Variants in PTPRD observed in about 807,000 individuals in gnomAD.
The protein encoded by PTPRD is protein tyrosine phosphatase receptor type D, also known as receptor-type tyrosine-protein phosphatase delta.
In PTPRD, 34 loss-of-function variants were observed where a neutral mutation model predicts 214.5. That is an observed-to-expected ratio of 0.16 (90% CI 0.12 to 0.21). PTPRD has a LOEUF of 0.21. PTPRD is among the 10% of genes least tolerant of loss of function. The pLI, the probability that PTPRD is intolerant of heterozygous loss-of-function variation, is 1.00. For synonymous variants in PTPRD, 1,128 were observed against 845.7 expected (o/e 1.33, Z -5.79); for missense variants, 2,545 against 2,398.7 (o/e 1.06, Z -1.27).
At chr9:8,493,386 T>A (rs1293485086) in intron 26 of PTPRD, among the ~76,000 whole-genome samples, 1 of 152,208 alleles carries the variant, frequency 6.6e-6, no homozygotes, top group Non-Finnish European at 1.5e-5. Flanking sequence ...CACAGAACTA[T>A]GCCTGGCTTA....
intron 9 of PTPRD, among the ~76,000 whole-genome samples, chr9:9,348,014 T>G (rs2137895134): frequency 6.6e-6 from 1 of 152,282 alleles, no homozygotes; most frequent in African/African-American, 2.4e-5. Flanking sequence ...TTTAGACTTC[T>G]GTTTTAGTAT....
At chr9:10,032,855 T>C (rs2154133396) in intron 4 of PTPRD, among the ~76,000 whole-genome samples, 1 of 152,150 alleles carries the variant, frequency 6.6e-6, no homozygotes, top group South Asian at 2.1e-4. Context: ...TTTTTTACTA[T>C]TATTTATCTA....
At chr9:10,421,978 T>A (rs2098550002) in intron 2 of PTPRD, among the ~76,000 whole-genome samples, 1 of 151,866 alleles carries the variant, frequency 6.6e-6, no homozygotes, top group South Asian at 2.1e-4. Flanking sequence ...AAAAATTCAT[T>A]CATTATAGAA....
At position 8,437,253 on chromosome 9, in the gene PTPRD, G is replaced by A. The variant is rs769422034; in HGVS notation, c.3989-564C>T. On this transcript the variant is annotated intron_variant, in intron 34 of 45. Transcript: ENST00000381196. ...AATCATCTGAACCTGCAAAGGAAAT[G>A]ATGGTGTAAATAAAATAAAATAGAA... is the stretch of plus-strand genomic sequence containing the variant. 5 of 1,510,966 alleles carry A rather than the reference G, an allele frequency of 3.3e-6. 1 individual carries two copies. In the South Asian group the frequency reaches 5.0e-5, roughly 15 times the overall value. The allele number at this position is 1,510,966 out of a possible 1,614,324, so 93.6% of individuals were successfully genotyped here.
intron 8 of PTPRD, among the ~76,000 whole-genome samples, chr9:9,444,651 C>T (rs998726754): frequency 3.3e-5 from 5 of 152,060 alleles, no homozygotes; most frequent in African/African-American, 9.7e-5. Context: ...CTTTCTGACC[C>T]CAAGTTAGAC....
chr9:9,058,117 AG>A (rs2099699671), intron 10 of PTPRD, among the ~76,000 whole-genome samples: 1 of 152,200 alleles, frequency 6.6e-6, no homozygotes, highest in South Asian at 2.1e-4. Context: ...TGGAAAGAGA[AG>A]TCTTCCAAAT....
At chr9:10,481,729 T>G (rs187916531) in intron 2 of PTPRD, among the ~76,000 whole-genome samples, 6 of 152,308 alleles carry the variant, frequency 3.9e-5, no homozygotes, top group Admixed American at 1.3e-4. Context: ...GAAAACATTT[T>G]TTAATTATAT....
intron 11 of PTPRD, among the ~76,000 whole-genome samples, chr9:8,773,086 C>T (rs1333232516): frequency 5.3e-5 from 8 of 152,266 alleles, no homozygotes; most frequent in African/African-American, 1.4e-4. Flanking sequence ...TGGAGCTTTC[C>T]TCTCTGGTGG....
chr9:8,339,416 C>T (rs567738704), intron 42 of PTPRD, among the ~76,000 whole-genome samples: 3 of 152,040 alleles, frequency 2.0e-5, no homozygotes, highest in Non-Finnish European at 2.9e-5. Flanking sequence ...ACACATTGCA[C>T]CACCACAGCA....
intron 2 of PTPRD, among the ~76,000 whole-genome samples, chr9:10,388,795 T>C (rs1225537141): frequency 6.6e-6 from 1 of 151,752 alleles, no homozygotes; most frequent in East Asian, 1.9e-4. Flanking sequence ...ACCTATTCTT[T>C]AGGAAGTGTG....
intron 3 of PTPRD, among the ~76,000 whole-genome samples, chr9:10,063,407 G>T (rs1470074009): frequency 6.6e-6 from 1 of 151,944 alleles, no homozygotes. Flanking sequence ...TGATAAAAAA[G>T]AGTAATAACA....
At chr9:9,072,280 T>C (rs1322121501) in intron 10 of PTPRD, among the ~76,000 whole-genome samples, 2 of 135,638 alleles carry the variant, frequency 1.5e-5, no homozygotes, top group Non-Finnish European at 3.2e-5. Context: ...GCTGGCAACT[T>C]ACACACACAC....
intron 2 of PTPRD, among the ~76,000 whole-genome samples, chr9:10,465,101 C>T (rs927202923): frequency 3.3e-5 from 5 of 151,962 alleles, no homozygotes; most frequent in Non-Finnish European, 7.4e-5. Context: ...ACACTGAGTG[C>T]CTTGGAAGGT....
chr9:9,019,463 G>A (rs1470727057), intron 10 of PTPRD, among the ~76,000 whole-genome samples: 4 of 152,128 alleles, frequency 2.6e-5, no homozygotes, highest in Admixed American at 2.6e-4. Flanking sequence ...CCAGGACTTG[G>A]GGAGGCCAAG....
intron 2 of PTPRD, among the ~76,000 whole-genome samples, chr9:10,607,016 A>T (rs1368161196): frequency 6.6e-6 from 1 of 151,928 alleles, no homozygotes; most frequent in Non-Finnish European, 1.5e-5. Context: ...ATCAGATAGC[A>T]TTATATATGC....
chr9:10,265,877 A>G (rs756413263), intron 3 of PTPRD, among the ~76,000 whole-genome samples: 1 of 152,196 alleles, frequency 6.6e-6, no homozygotes, highest in Non-Finnish European at 1.5e-5. Context: ...TTATAAGTGA[A>G]ATCAGCATTA....
intron 11 of PTPRD, among the ~76,000 whole-genome samples, chr9:8,743,800 T>TAAG (rs2092430245): frequency 7.3e-5 from 1 of 13,606 alleles, no homozygotes. Flanking sequence ...AAAATAACAA[T>TAAG]AATAATAATA....
At chr9:10,227,713 T>G (rs952761117) in intron 3 of PTPRD, among the ~76,000 whole-genome samples, 2 of 152,052 alleles carry the variant, frequency 1.3e-5, no homozygotes, top group Non-Finnish European at 2.9e-5. Context: ...GTATTTTGTT[T>G]ATTTGCTTGC....
chr9:9,943,650 A>G (rs113236085), intron 4 of PTPRD, among the ~76,000 whole-genome samples: 1 of 151,558 alleles, frequency 6.6e-6, no homozygotes, highest in Admixed American at 6.6e-5. Context: ...GTTTAAAATA[A>G]AAGTGTAGTC....
Sources: allele counts gnomAD v4.1 joint callset (sites outside exome capture counted in the v4.1 genomes callset), GRCh38; gene constraint gnomAD v4.1.1; transcripts MANE v1.5; gene names NCBI Gene and HGNC (gene_info 2026-07-23, HGNC 2026-07-21).